Variants in SORCS1 observed in about 807,000 individuals in gnomAD.
SORCS1 encodes the protein sortilin related VPS10 domain containing receptor 1, also known as VPS10 domain-containing receptor SorCS1.
SORCS1 carries 60 observed loss-of-function variants against 146.1 expected under a neutral mutation model. The observed-to-expected ratio is 0.41, with a 90% CI of 0.33 to 0.51. The LOEUF (loss-of-function observed/expected upper bound fraction) is 0.51. SORCS1 is among the 20% of genes least tolerant of loss of function. The pLI is 0.21. For synonymous variants in SORCS1, 637 were observed against 584.0 expected, an observed-to-expected ratio of 1.09 and a Z score of -1.31; for missense variants, 1,352 against 1,487.6, an observed-to-expected ratio of 0.91 and a Z score of 1.50.
At chr10:106,664,159 G>T (rs1053375886) in intron 17 of SORCS1, among the ~76,000 whole-genome samples, 1 of 152,196 alleles carries the variant, frequency 6.6e-6, no homozygotes, top group Admixed American at 6.5e-5. Flanking sequence ...AGAAGGTAGT[G>T]TTGTAATTTC....
At chr10:107,037,867 C>T (rs2133970150) in intron 1 of SORCS1, among the ~76,000 whole-genome samples, 1 of 152,312 alleles carries the variant, frequency 6.6e-6, no homozygotes, top group Admixed American at 6.5e-5. Flanking sequence ...CACTCTGTTG[C>T]CAAGGCTGGA....
chr10:106,923,925 C>T (rs1589714808), intron 2 of SORCS1, among the ~76,000 whole-genome samples: 1 of 152,164 alleles, frequency 6.6e-6, no homozygotes, highest in East Asian at 1.9e-4. Flanking sequence ...TTTCCCCAAT[C>T]TGTGGACTGT....
intron 1 of SORCS1, among the ~76,000 whole-genome samples, chr10:107,001,098 G>A (rs918296437): frequency 2.5e-4 from 38 of 152,150 alleles, no homozygotes; most frequent in African/African-American, 8.2e-4. Context: ...GCTCCTTAAT[G>A]TTAAATTGAA....
Position 107,102,103 on chromosome 10 carries a change from A to G in SORCS1, c.558+61866T>C, listed in dbSNP as rs145211282. On this transcript the variant is annotated intron_variant, in intron 1 of 25. Transcript: ENST00000263054. The stretch of plus-strand genomic sequence containing the variant: ...TCTTGGTCATCATTTTCCCCTAATG[A>G]CTAGCATAATGCAACACATGATATG... 4.5e-4 allele frequency among the ~76,000 whole-genome samples: 68 copies of G among 152,326 alleles called. No individual in the cohort carries two copies. The East Asian group carries it at 0.012, about 27-fold the overall frequency.
intron 6 of SORCS1, among the ~76,000 whole-genome samples, chr10:106,715,678 G>C (rs1422871526): frequency 6.6e-6 from 1 of 152,218 alleles, no homozygotes; most frequent in East Asian, 1.9e-4. Context: ...TCCTCTCTCT[G>C]TAATCACCAA....
intron 1 of SORCS1, among the ~76,000 whole-genome samples, chr10:107,006,374 C>G (rs1258383727): frequency 1.3e-5 from 2 of 151,998 alleles, no homozygotes; most frequent in Admixed American, 6.5e-5. Context: ...ATCAGAGCAA[C>G]AAGAGAATAA....
chr10:106,622,112 A>G (rs1374983166), intron 19 of SORCS1, among the ~76,000 whole-genome samples: 1 of 151,990 alleles, frequency 6.6e-6, no homozygotes, highest in African/African-American at 2.4e-5. Flanking sequence ...CAACATGGTG[A>G]AACCCCATCT....
chr10:107,024,663 T>A (rs529345740), intron 1 of SORCS1, among the ~76,000 whole-genome samples: 1 of 152,298 alleles, frequency 6.6e-6, no homozygotes, highest in East Asian at 1.9e-4. Context: ...AAAGTACCTA[T>A]CACCCAGTTT....
upstream of SORCS1, among the ~76,000 whole-genome samples, chr10:107,168,195 G>A (rs1012354761): frequency 2.0e-4 from 31 of 151,968 alleles, no homozygotes; most frequent in African/African-American, 4.1e-4. Context: ...ATGCTGTTCC[G>A]CCTGCCTAGA....
intron 2 of SORCS1, among the ~76,000 whole-genome samples, chr10:106,866,784 C>T (rs1950235251): frequency 6.6e-6 from 1 of 152,214 alleles, no homozygotes; most frequent in Non-Finnish European, 1.5e-5. Flanking sequence ...AAGAAGTCAG[C>T]TTCAAATAAA....
At chr10:106,792,869 C>G (rs1946382684) in intron 3 of SORCS1, among the ~76,000 whole-genome samples, 1 of 151,988 alleles carries the variant, frequency 6.6e-6, no homozygotes, top group African/African-American at 2.4e-5. Context: ...CTTTTTTAGG[C>G]CTTTCAAGAA....
intron 17 of SORCS1, among the ~76,000 whole-genome samples, chr10:106,653,329 G>A (rs570340228): frequency 2.0e-5 from 3 of 152,250 alleles, no homozygotes; most frequent in African/African-American, 7.2e-5. Context: ...ATACTGTTGG[G>A]TCTGCAGCAA....
chr10:106,595,234 T>A (rs145382515), intron 24 of SORCS1, among the ~76,000 whole-genome samples: 2 of 152,346 alleles, frequency 1.3e-5, no homozygotes, highest in African/African-American at 4.8e-5. Flanking sequence ...TAGCAGTTTA[T>A]GAGGGCAGAG....
chr10:106,765,007 A>G (rs1859450277), intron 4 of SORCS1, among the ~76,000 whole-genome samples: 1 of 137,530 alleles, frequency 7.3e-6, no homozygotes, highest in Admixed American at 7.5e-5. Flanking sequence ...TGGGCAACAG[A>G]GCAAGACACT....
At chr10:107,037,177 C>T (rs112151722) in intron 1 of SORCS1, among the ~76,000 whole-genome samples, 6,008 of 152,210 alleles carry the variant, frequency 0.039, 317 homozygotes, top group East Asian at 0.14. Flanking sequence ...ACCTGGGAGG[C>T]GGAGGTTGTA....
At chr10:106,829,507 A>G (rs1948447451) in intron 3 of SORCS1, 67 bp downstream of exon 3, 15 of 1,134,346 alleles carry the variant, frequency 1.3e-5, no homozygotes, top group Admixed American at 1.7e-5. Context: ...AGGTAGCTAG[A>G]GTGGTTAGCC....
Position 106,798,509 on chromosome 10 carries a change from T to C in SORCS1, c.727-21817A>G, listed in dbSNP as rs1386223001. Among the ~76,000 whole-genome samples, 3 of 147,956 alleles carry C rather than the reference T, an allele frequency of 2.0e-5. No homozygotes were observed. The East Asian group carries it at 6.4e-4, about 32-fold the overall frequency. On this transcript the variant is annotated intron_variant, in intron 3 of 25. Transcript: ENST00000263054. Reference sequence around the variant, plus strand: ...GTGTCCAAGTGTTCTCATTGTTCAATTCCCACCTATGAATGAGAACATGCA... The same window carrying C: ...GTGTCCAAGTGTTCTCATTGTTCAACTCCCACCTATGAATGAGAACATGCA...
intron 9 of SORCS1, among the ~76,000 whole-genome samples, chr10:106,695,183 G>A (rs763659021): frequency 6.6e-5 from 10 of 152,212 alleles, no homozygotes; most frequent in Non-Finnish European, 8.8e-5. Context: ...ACATCCACCC[G>A]ACAAGACTGT....
chr10:106,654,302 G>C (rs887060350), intron 17 of SORCS1, among the ~76,000 whole-genome samples: 8 of 152,160 alleles, frequency 5.3e-5, no homozygotes, highest in Non-Finnish European at 7.3e-5. Context: ...CCAATAAACA[G>C]ATGGAAGAAT....
Sources: allele counts gnomAD v4.1 joint callset (sites outside exome capture counted in the v4.1 genomes callset), GRCh38; gene constraint gnomAD v4.1.1; transcripts MANE v1.5; gene names NCBI Gene and HGNC (gene_info 2026-07-23, HGNC 2026-07-21).